Variants in PTPRD observed in about 807,000 individuals in gnomAD.
PTPRD encodes the protein protein tyrosine phosphatase receptor type D.
Under a neutral mutation model 214.5 loss-of-function variants are expected in PTPRD, and 34 were observed. The ratio of observed to expected loss-of-function variants is 0.16; its 90% confidence interval spans 0.12 to 0.21. PTPRD has a LOEUF of 0.21. PTPRD is among the 10% of genes least tolerant of loss of function. PTPRD has a pLI of 1.00. For synonymous variants in PTPRD, 1,128 were observed against 845.7 expected (o/e 1.33, Z -5.79); for missense variants, 2,545 against 2,398.7 (o/e 1.06, Z -1.27).
At chr9:9,748,061 C>A (rs2154461798) in intron 6 of PTPRD, among the ~76,000 whole-genome samples, 1 of 152,248 alleles carries the variant, frequency 6.6e-6, no homozygotes, top group African/African-American at 2.4e-5. Context: ...TGAATGGCAT[C>A]TCAGCAAGGG....
chr9:10,305,641 C>T (rs1018392754), intron 3 of PTPRD, among the ~76,000 whole-genome samples: 4 of 152,046 alleles, frequency 2.6e-5, no homozygotes, highest in African/African-American at 9.7e-5. Flanking sequence ...GAAAAGAAGA[C>T]ATTTATGCAG....
chr9:9,516,850 G>T (rs2096850939), intron 8 of PTPRD, among the ~76,000 whole-genome samples: 1 of 151,728 alleles, frequency 6.6e-6, no homozygotes, highest in African/African-American at 2.4e-5. Flanking sequence ...TAGGCTTCTG[G>T]AAGTTAAATT....
rs1362999588 is a variant in PTPRD at position 8,782,711 on chromosome 9, C to T, written c.-103-48765G>A. 2.0e-5 allele frequency among the ~76,000 whole-genome samples: 3 copies of T among 151,882 alleles called. No homozygotes were observed. The East Asian group carries it at 5.8e-4, about 30-fold the overall frequency. On this transcript the variant is annotated intron_variant, in intron 11 of 45. Coordinates refer to ENST00000381196, the MANE Select transcript of PTPRD (RefSeq NM_002839.4). ...CTCCCGAGTTCAAGCAATTCTCCTG[C>T]CTCAGCCTCCGGAGTAGCTGGGATT...
intron 3 of PTPRD, among the ~76,000 whole-genome samples, chr9:10,301,655 G>T (rs1231062497): frequency 1.3e-5 from 2 of 151,578 alleles, no homozygotes; most frequent in African/African-American, 4.8e-5. Flanking sequence ...TGATCAAGGG[G>T]AAAAAAAGGA....
intron 4 of PTPRD, among the ~76,000 whole-genome samples, chr9:10,003,219 A>G (rs898642932): frequency 6.6e-6 from 1 of 151,800 alleles, no homozygotes; most frequent in Non-Finnish European, 1.5e-5. Flanking sequence ...ACAGAATTAC[A>G]TGTAGTTATA....
At chr9:8,788,832 T>C (rs949711162) in intron 11 of PTPRD, among the ~76,000 whole-genome samples, 5 of 152,230 alleles carry the variant, frequency 3.3e-5, no homozygotes, top group African/African-American at 9.6e-5. Context: ...TGATGCAATG[T>C]GCAGTACAAC....
At chr9:10,239,520 C>T (rs1012012784) in intron 3 of PTPRD, among the ~76,000 whole-genome samples, 1 of 151,870 alleles carries the variant, frequency 6.6e-6, no homozygotes, top group African/African-American at 2.4e-5. Context: ...GTTGAACTTA[C>T]ACTTCATTTC....
At chr9:9,902,761 G>A (rs1273024781) in intron 5 of PTPRD, among the ~76,000 whole-genome samples, 5 of 152,084 alleles carry the variant, frequency 3.3e-5, no homozygotes, top group Non-Finnish European at 7.4e-5. Context: ...AAACTCAGGT[G>A]AACTTGGAGA....
At chr9:9,717,494 T>G (rs2097855642) in intron 7 of PTPRD, among the ~76,000 whole-genome samples, 1 of 152,234 alleles carries the variant, frequency 6.6e-6, no homozygotes, top group South Asian at 2.1e-4. Context: ...TGAAGTCATC[T>G]TTCAATGTAA....
chr9:9,047,626 T>C (rs1443303372), intron 10 of PTPRD, among the ~76,000 whole-genome samples: 1 of 152,082 alleles, frequency 6.6e-6, no homozygotes, highest in Non-Finnish European at 1.5e-5. Context: ...TTGACAAAGA[T>C]GCCAAGAACA....
At chr9:9,928,513 C>CTTTT (rs2085142037) in intron 5 of PTPRD, among the ~76,000 whole-genome samples, 1 of 151,984 alleles carries the variant, frequency 6.6e-6, no homozygotes, top group Admixed American at 6.6e-5. Context: ...ATGTAAAGAT[C>CTTTT]ACTTACACAA....
In PTPRD at chr9:8,833,833, C is replaced by T. The variant is rs1417522807; in HGVS notation, c.-103-99887G>A. On this transcript the variant is annotated intron_variant, in intron 11 of 45. Transcript: ENST00000381196. Reference sequence around the variant, plus strand: ...AACAACTGTATTTCCAGACTGGTTGCTTGGTTTCCACCTCTCTTTAAAGAA... The same window carrying T: ...AACAACTGTATTTCCAGACTGGTTGTTTGGTTTCCACCTCTCTTTAAAGAA... Among the ~76,000 whole-genome samples, 3 of 150,654 alleles carry T rather than the reference C, an allele frequency of 2.0e-5. No homozygotes were observed. In the Admixed American group the frequency reaches 2.0e-4, roughly 10 times the overall value.
chr9:8,761,945 C>G (rs2094440839), intron 11 of PTPRD, among the ~76,000 whole-genome samples: 1 of 152,222 alleles, frequency 6.6e-6, no homozygotes, highest in South Asian at 2.1e-4. Context: ...CCTAAGGCAC[C>G]ATTATTAACA....
At chr9:8,457,223 G>C (rs1297985093) in intron 33 of PTPRD, among the ~76,000 whole-genome samples, 2 of 152,114 alleles carry the variant, frequency 1.3e-5, no homozygotes, top group Admixed American at 1.3e-4. Flanking sequence ...CATGCAACCA[G>C]CTAGTCACAG....
intron 9 of PTPRD, among the ~76,000 whole-genome samples, chr9:9,302,462 T>C (rs1161989418): frequency 1.7e-5 from 2 of 121,016 alleles, no homozygotes; most frequent in East Asian, 5.4e-4. Flanking sequence ...AGGACAAAGT[T>C]TATGCATTTT....
intron 3 of PTPRD, among the ~76,000 whole-genome samples, chr9:10,067,488 G>A (rs2097907383): frequency 6.6e-6 from 1 of 151,770 alleles, no homozygotes; most frequent in South Asian, 2.1e-4. Flanking sequence ...AGACACAGAA[G>A]GATAAAAAGC....
chr9:9,068,901 C>T (rs1339372615), intron 10 of PTPRD, among the ~76,000 whole-genome samples: 3 of 152,134 alleles, frequency 2.0e-5, no homozygotes, highest in Non-Finnish European at 4.4e-5. Flanking sequence ...TGAGGCACGG[C>T]TCTCGGCCTA....
chr9:10,088,044 C>A (rs1390682637), intron 3 of PTPRD, among the ~76,000 whole-genome samples: 2 of 151,688 alleles, frequency 1.3e-5, no homozygotes, highest in African/African-American at 2.4e-5. Flanking sequence ...GACAGTACAA[C>A]TTCAACTTCT....
chr9:9,465,860 T>G (rs375507687), intron 8 of PTPRD, among the ~76,000 whole-genome samples: 2 of 152,128 alleles, frequency 1.3e-5, no homozygotes, highest in African/African-American at 4.8e-5. Context: ...GTATTAGCCA[T>G]GTGCTGGATC....
Sources: gnomAD v4.1 joint callset for allele counts (sites outside exome capture counted in the v4.1 genomes callset) on GRCh38, gnomAD v4.1.1 for gene constraint, MANE v1.5 for transcripts, NCBI Gene and HGNC (gene_info 2026-07-23, HGNC 2026-07-21) for gene names.